FOXO3: variants seen among roughly 807,000 people sequenced by gnomAD.
The protein encoded by FOXO3 is forkhead box O3, also known as forkhead box protein O3.
A neutral mutation model predicts 41.9 loss-of-function variants in FOXO3; 4 were observed. The observed-to-expected ratio is 0.10, with a 90% CI of 0.05 to 0.22. The LOEUF (loss-of-function observed/expected upper bound fraction) is 0.22. Among genes scored for constraint, FOXO3 ranks in the 10% least tolerant of loss-of-function variants. FOXO3 has a pLI of 1.00. For missense variants in FOXO3, 534 were observed against 906.8 expected (o/e 0.59, Z 5.28); for synonymous variants, 318 against 389.3 (o/e 0.82, Z 2.16).
intron 1 of FOXO3, among the ~76,000 whole-genome samples, chr6:108,633,609 A>C (rs1191290091): frequency 1.3e-5 from 2 of 152,150 alleles, no homozygotes; most frequent in Non-Finnish European, 2.9e-5. Flanking sequence ...AGGTCATTAT[A>C]ATTCTGCCCC....
At chr6:108,614,754 A>T (rs1363522365) in intron 1 of FOXO3, among the ~76,000 whole-genome samples, 1 of 150,838 alleles carries the variant, frequency 6.6e-6, no homozygotes, top group Non-Finnish European at 1.5e-5. Context: ...TTCAAAGACC[A>T]TTTTGTTTAA....
chr6:108,653,380 T>C (rs1778599799), intron 1 of FOXO3, among the ~76,000 whole-genome samples: 1 of 150,160 alleles, frequency 6.7e-6, no homozygotes. Flanking sequence ...GCACCCTGCA[T>C]TTTATCTTTG....
At chr6:108,583,191 T>A (rs1333980092) in intron 1 of FOXO3, among the ~76,000 whole-genome samples, 1 of 152,196 alleles carries the variant, frequency 6.6e-6, no homozygotes, top group Non-Finnish European at 1.5e-5. Context: ...AGTCCTCGCT[T>A]CAGACTCACT....
At chr6:108,626,185 T>G (rs373475443) in intron 1 of FOXO3, among the ~76,000 whole-genome samples, 10 of 152,348 alleles carry the variant, frequency 6.6e-5, no homozygotes, top group African/African-American at 2.2e-4. Flanking sequence ...GGGAAATGTG[T>G]TAGTTGAAAA....
intron 1 of FOXO3, among the ~76,000 whole-genome samples, chr6:108,587,232 A>G (rs1776606581): frequency 1.3e-5 from 2 of 152,104 alleles, no homozygotes; most frequent in South Asian, 4.1e-4. Flanking sequence ...CAGAGTGAAT[A>G]TAAACCCAGC....
At chr6:108,580,677 G>A (rs533507076) in intron 1 of FOXO3, among the ~76,000 whole-genome samples, 2 of 152,274 alleles carry the variant, frequency 1.3e-5, no homozygotes, top group Admixed American at 1.3e-4. Flanking sequence ...AGACCTCACT[G>A]GCTTGTTCTT....
At chr6:108,655,375 T>C (rs1240287879) in intron 1 of FOXO3, among the ~76,000 whole-genome samples, 1 of 152,228 alleles carries the variant, frequency 6.6e-6, no homozygotes, top group African/African-American at 2.4e-5. Flanking sequence ...TTCTCAATGA[T>C]GGAAACTTGG....
At chr6:108,672,506 A>G (rs1779243368) in intron 2 of FOXO3, among the ~76,000 whole-genome samples, 1 of 152,184 alleles carries the variant, frequency 6.6e-6, no homozygotes. Flanking sequence ...CCTGCTCAGT[A>G]ATAGATGTGG....
chr6:108,633,175 A>G (rs892246477), intron 1 of FOXO3, among the ~76,000 whole-genome samples: 1 of 152,206 alleles, frequency 6.6e-6, no homozygotes, highest in African/African-American at 2.4e-5. Context: ...TACTGATTGG[A>G]TAAATAAAAT....
chr6:108,605,828 C>T (rs945562082), intron 1 of FOXO3, among the ~76,000 whole-genome samples: 19 of 152,172 alleles, frequency 1.2e-4, no homozygotes, highest in Admixed American at 2.0e-4. Context: ...GGCAAATTCG[C>T]ATGTAGGACA....
intron 1 of FOXO3, among the ~76,000 whole-genome samples, chr6:108,593,137 T>C (rs1248870830): frequency 6.6e-6 from 1 of 152,224 alleles, no homozygotes; most frequent in Admixed American, 6.5e-5. Context: ...TTAGCTGGAC[T>C]TGGTACAAGT....
intron 1 of FOXO3, among the ~76,000 whole-genome samples, chr6:108,640,237 A>G (rs1778221101): frequency 6.6e-6 from 1 of 152,312 alleles, no homozygotes; most frequent in Non-Finnish European, 1.5e-5. Context: ...TTGTGTGATA[A>G]TAAGAGGGCT....
chr6:108,596,484 G>A (rs761105858), intron 1 of FOXO3, among the ~76,000 whole-genome samples: 24 of 150,824 alleles, frequency 1.6e-4, no homozygotes, highest in Admixed American at 2.6e-4. Context: ...GTTATGGGTT[G>A]TTGAATGAAC....
intron 1 of FOXO3, among the ~76,000 whole-genome samples, chr6:108,573,130 CA>C (rs1455635190): frequency 6.6e-6 from 1 of 151,982 alleles, no homozygotes; most frequent in African/African-American, 2.4e-5. Flanking sequence ...ACTAAAAATA[CA>C]AAAAAATTAG....
intron 1 of FOXO3, among the ~76,000 whole-genome samples, chr6:108,625,841 TGTA>T (rs1777801006): frequency 6.6e-6 from 1 of 152,198 alleles, no homozygotes; most frequent in African/African-American, 2.4e-5. Context: ...AGTGAGATTA[TGTA>T]GTATTAGTAG....
chr6:108,629,953 G>A (rs1199614770), intron 1 of FOXO3, among the ~76,000 whole-genome samples: 1 of 152,148 alleles, frequency 6.6e-6, no homozygotes, highest in South Asian at 2.1e-4. Context: ...AAGCCTACTT[G>A]AAGCTTTGGG....
intron 1 of FOXO3, among the ~76,000 whole-genome samples, chr6:108,657,383 A>ATAG: frequency 6.6e-6 from 1 of 152,216 alleles, no homozygotes; most frequent in East Asian, 1.9e-4. Context: ...TTTGGGGGTC[A>ATAG]TAGTAGCTTC....
At chr6:108,618,341 A>C (rs1246814379) in intron 1 of FOXO3, 2 of 599,102 alleles carry the variant, frequency 3.3e-6, no homozygotes, top group Non-Finnish European at 6.2e-6. Flanking sequence ...TCAGGTCCAC[A>C]CTGAACGAGC....
At chr6:108,625,567 A>G (rs142521384) in intron 1 of FOXO3, among the ~76,000 whole-genome samples, 388 of 152,374 alleles carry the variant, frequency 2.5e-3, no homozygotes, top group Non-Finnish European at 3.8e-3. Context: ...AGATGATGGA[A>G]GGAATTATTT....
Sources: gnomAD v4.1 joint callset for allele counts (sites outside exome capture counted in the v4.1 genomes callset) on GRCh38, gnomAD v4.1.1 for gene constraint, MANE v1.5 for transcripts, NCBI Gene and HGNC (gene_info 2026-07-23, HGNC 2026-07-21) for gene names.